The following PPP2R5E variants were observed in gnomAD, a reference collection of about 807,000 sequenced individuals.
The protein encoded by PPP2R5E is serine/threonine-protein phosphatase 2A 56 kDa regulatory subunit epsilon isoform.
Under a neutral mutation model 65.3 loss-of-function variants are expected in PPP2R5E, and 4 were observed. The ratio of observed to expected loss-of-function variants is 0.06; its 90% CI spans 0.03 to 0.14. The LOEUF (loss-of-function observed/expected upper bound fraction) is 0.14, where lower values mean the gene tolerates loss of function less well. Ranked by LOEUF, PPP2R5E falls within the 10% of genes least tolerant of loss-of-function variation. The pLI is 1.00. For missense variants in PPP2R5E, 274 were observed against 556.1 expected (o/e 0.49, Z 5.10); for synonymous variants, 183 against 187.4 (o/e 0.98, Z 0.19).
intron 2 of PPP2R5E, among the ~76,000 whole-genome samples, chr14:63,505,243 T>C (rs1312263032): frequency 1.3e-5 from 2 of 152,096 alleles, no homozygotes; most frequent in African/African-American, 4.8e-5. Context: ...CCCAAGATCA[T>C]GCCACTGCAC....
At chr14:63,502,237 C>A (rs558292346) in intron 2 of PPP2R5E, among the ~76,000 whole-genome samples, 19 of 152,172 alleles carry the variant, frequency 1.2e-4, no homozygotes, top group African/African-American at 4.3e-4. Context: ...TAGCATGAAG[C>A]AGAGGGCACC....
At chr14:63,528,354 G>A (rs1385277240) in intron 2 of PPP2R5E, among the ~76,000 whole-genome samples, 1 of 152,144 alleles carries the variant, frequency 6.6e-6, no homozygotes, top group Admixed American at 6.6e-5. Context: ...CTGGTGATCT[G>A]ATTAGGCTAT....
chr14:63,529,006 T>C (rs1399326763), intron 2 of PPP2R5E, among the ~76,000 whole-genome samples: 2 of 152,072 alleles, frequency 1.3e-5, no homozygotes, highest in African/African-American at 2.4e-5. Context: ...TAATAGAAAC[T>C]TCAAACACTT....
chr14:63,522,654 G>A (rs1892978957), intron 2 of PPP2R5E, among the ~76,000 whole-genome samples: 1 of 147,978 alleles, frequency 6.8e-6, no homozygotes, highest in Non-Finnish European at 1.5e-5. Flanking sequence ...TGGGAGGAGA[G>A]GAGCGTCTCT....
rs28453910 is a variant in PPP2R5E at position 63,466,272 on chromosome 14, A to C, written c.158-12387T>G. 9.8e-3 allele frequency among the ~76,000 whole-genome samples: 1,287 copies of C among 130,956 alleles called. 10 individuals are homozygous for C. The highest frequency in any genetic ancestry group is 0.013 in the Non-Finnish European group (830 of 63,250). 85.9% of individuals were successfully genotyped at this position (130,956 alleles called of 152,430 possible). A position where few individuals can be genotyped will look rare whatever the true frequency, so the allele number is the denominator to read the frequency against. ...CTTAAAAAAAAAAAGTTTTAAAAAT[A>C]CAAAAAAAAAAAAACAACAACAAGA... On this transcript the variant is annotated intron_variant, in intron 2 of 13. Coordinates refer to ENST00000337537, the MANE Select transcript of PPP2R5E (RefSeq NM_006246.5).
At chr14:63,484,025 A>G (rs1008152538) in intron 2 of PPP2R5E, among the ~76,000 whole-genome samples, 1 of 150,932 alleles carries the variant, frequency 6.6e-6, no homozygotes, top group African/African-American at 2.4e-5. Flanking sequence ...CGGAGGTTGC[A>G]GTAAGCCGAG....
intron 2 of PPP2R5E, among the ~76,000 whole-genome samples, chr14:63,509,377 G>A (rs917402692): frequency 2.0e-5 from 3 of 147,434 alleles, no homozygotes; most frequent in East Asian, 2.0e-4. Context: ...AGGTTCAAGC[G>A]ATTCTCGTGC....
intron 3 of PPP2R5E, among the ~76,000 whole-genome samples, chr14:63,444,425 G>A (rs1426188681): frequency 1.3e-5 from 2 of 152,106 alleles, no homozygotes; most frequent in Non-Finnish European, 2.9e-5. Context: ...CTGTTCACGT[G>A]AGTATTCCCT....
chr14:63,409,808 AT>A (rs1886300313), intron 5 of PPP2R5E, among the ~76,000 whole-genome samples: 1 of 152,114 alleles, frequency 6.6e-6, no homozygotes, highest in Admixed American at 6.6e-5. Flanking sequence ...ACAGTATCTC[AT>A]TTATCCTGTT....
chr14:63,398,739 G>A (rs774072784), intron 5 of PPP2R5E, among the ~76,000 whole-genome samples: 10 of 152,116 alleles, frequency 6.6e-5, no homozygotes, highest in African/African-American at 9.7e-5. Context: ...GCAGTGAGCC[G>A]AGATCGCGCT....
Position 63,391,850 on chromosome 14 carries a change from C to T in PPP2R5E, c.921G>A (p.Met307Ile). 1.9e-6 allele frequency: 3 copies of T among 1,613,526 alleles called. No homozygotes were observed. In the Middle Eastern group the frequency reaches 4.9e-4, roughly 266 times the overall value. The change falls in exon 10 of 14, where the codon ATG becomes ATA. Residue 307 changes from methionine to isoleucine, a missense_variant. Around this residue, in one of 6 missense-constraint regions of PPP2R5E, gnomAD observed 129 missense variants for 254.9 expected, o/e 0.51. Coordinates refer to ENST00000337537, the MANE Select transcript of PPP2R5E (RefSeq NM_006246.5). ...GACTACATGTTTTAGGCCAAAATTT[C>T]ATTAACCCCCTAATAACCTAAAATG... ...SLTEPVIRGL[M>I]KFWPKTCSQK... is the part of the protein sequence containing the mutation.
At chr14:63,421,267 C>T (rs1887007965) in intron 4 of PPP2R5E, among the ~76,000 whole-genome samples, 1 of 152,010 alleles carries the variant, frequency 6.6e-6, no homozygotes, top group African/African-American at 2.4e-5. Flanking sequence ...GTACAAATTT[C>T]CTTGCTCTAT....
chr14:63,446,828 CAAA>C (rs55892835), intron 3 of PPP2R5E, among the ~76,000 whole-genome samples: 51 of 92,136 alleles, frequency 5.5e-4, no homozygotes, highest in South Asian at 1.5e-3. Flanking sequence ...GACTCCATCT[CAAA>C]AAAAAAAAAA....
chr14:63,372,181 A>G lies in PPP2R5E; in HGVS notation c.*3828T>C, dbSNP rs1411917525. Reference sequence around the variant, plus strand: ...TCATAATATGGGATGTTTATTTCCAAGAGAGATACTACTGCTGCTATCGTG... The same window carrying G: ...TCATAATATGGGATGTTTATTTCCAGGAGAGATACTACTGCTGCTATCGTG... On this transcript the variant is annotated 3_prime_UTR_variant, in exon 14 of 14. Transcript: ENST00000337537. 1 of 152,160 alleles carries G rather than the reference A, an allele frequency of 6.6e-6. No individual in the cohort carries two copies. The highest frequency in any genetic ancestry group is 1.5e-5 in the Non-Finnish European group (1 of 68,012). 9.4% of individuals were successfully genotyped at this position (152,160 alleles called of 1,614,324 possible).
intron 5 of PPP2R5E, among the ~76,000 whole-genome samples, chr14:63,411,980 T>C (rs1250898989): frequency 6.6e-6 from 1 of 152,194 alleles, no homozygotes; most frequent in East Asian, 1.9e-4. Flanking sequence ...ACCCAATAGG[T>C]AGTGTTTTAT....
chr14:63,421,902 T>C (rs1887047184), intron 4 of PPP2R5E, 91 bp downstream of exon 4: 1 of 953,298 alleles, frequency 1.0e-6, no homozygotes, highest in African/African-American at 1.7e-5. Flanking sequence ...ATTTGATTTC[T>C]TGGTGAATAA....
chr14:63,440,660 C>T (rs755167920), intron 3 of PPP2R5E, among the ~76,000 whole-genome samples: 8 of 151,650 alleles, frequency 5.3e-5, no homozygotes, highest in Non-Finnish European at 7.4e-5. Flanking sequence ...GGTTCTGGGC[C>T]GGGTGCAGTG....
chr14:63,466,356 T>A (rs1889801962), intron 2 of PPP2R5E, among the ~76,000 whole-genome samples: 1 of 151,798 alleles, frequency 6.6e-6, no homozygotes, highest in South Asian at 2.1e-4. Context: ...CTGTTGGGAT[T>A]TTAAAGTATG....
chr14:63,531,739 A>C (rs1423097780), intron 2 of PPP2R5E, among the ~76,000 whole-genome samples: 1 of 152,008 alleles, frequency 6.6e-6, no homozygotes, highest in African/African-American at 2.4e-5. Context: ...GGGTCACTTG[A>C]GGTCAAGAGT....
Sources: allele counts gnomAD v4.1 joint callset (sites outside exome capture counted in the v4.1 genomes callset), GRCh38; gene constraint gnomAD v4.1.1; regional missense constraint gnomAD v4.1.1; transcripts MANE v1.5; gene names NCBI Gene and HGNC (gene_info 2026-07-23, HGNC 2026-07-21).